The following FAM13A variants were observed in gnomAD, a reference collection of about 807,000 sequenced individuals.
FAM13A encodes family with sequence similarity 13 member A.
Under a neutral mutation model 129.6 loss-of-function variants are expected in FAM13A, and 76 were observed. That is an observed-to-expected ratio of 0.59 (90% CI 0.49 to 0.71). The LOEUF (loss-of-function observed/expected upper bound fraction) is 0.71, where lower values mean the gene tolerates loss of function less well. Among genes scored for constraint, FAM13A ranks in the 30% least tolerant of loss-of-function variants. FAM13A has a pLI of 0.00. For synonymous variants in FAM13A, 443 were observed against 449.9 expected, an observed-to-expected ratio of 0.98 and a Z score of 0.20; for missense variants, 1,108 against 1,249.3, an observed-to-expected ratio of 0.89 and a Z score of 1.70.
At chr4:88,769,381 T>C (rs1351209596) in intron 11 of FAM13A, among the ~76,000 whole-genome samples, 2 of 152,344 alleles carry the variant, frequency 1.3e-5, no homozygotes, top group East Asian at 3.9e-4. Flanking sequence ...GTTATGACAG[T>C]GGCTCTGAAT....
intron 6 of FAM13A, among the ~76,000 whole-genome samples, chr4:88,854,253 G>A (rs926528637): frequency 4.6e-5 from 7 of 152,192 alleles, no homozygotes; most frequent in Admixed American, 2.6e-4. Context: ...GTGGGCCCAG[G>A]AGGCCATTTA....
intron 7 of FAM13A, among the ~76,000 whole-genome samples, chr4:88,839,380 T>C (rs1735407831): frequency 6.6e-6 from 1 of 152,250 alleles, no homozygotes; most frequent in African/African-American, 2.4e-5. Flanking sequence ...ATTCAACAAG[T>C]ACTCTTTAAG....
In FAM13A at chr4:88,914,273, C is replaced by T. The variant is rs1749724228; in HGVS notation, c.760-7811G>A. On this transcript the variant is annotated intron_variant, in intron 5 of 23. Coordinates refer to ENST00000264344, the MANE Select transcript of FAM13A (RefSeq NM_014883.4). ...CATCTTGCCTTCTACAAGCTTTGTA[C>T]ATGTAAATCAGACAATGTCACTTCT... Among the ~76,000 whole-genome samples, 2 of 152,200 alleles carry T rather than the reference C, an allele frequency of 1.3e-5. 1 individual carries two copies. The highest frequency in any genetic ancestry group is 4.1e-4 in the South Asian group (2 of 4,834).
chr4:88,731,772 T>C (rs372769854), intron 22 of FAM13A: 11 of 529,570 alleles, frequency 2.1e-5, no homozygotes, highest in African/African-American at 5.8e-5. Context: ...CGATGCCCTT[T>C]AGAGAGAGAA....
chr4:88,964,880 G>A (rs144917097), intron 4 of FAM13A, among the ~76,000 whole-genome samples: 7,110 of 151,962 alleles, frequency 0.047, 274 homozygotes, highest in South Asian at 0.23. Flanking sequence ...CGTCCGCCTC[G>A]GCCTCCCAAA....
At chr4:88,973,472 A>C (rs1760428879) in intron 4 of FAM13A, among the ~76,000 whole-genome samples, 1 of 152,070 alleles carries the variant, frequency 6.6e-6, no homozygotes, top group South Asian at 2.1e-4. Flanking sequence ...TTTCTGTTTC[A>C]GTAATTTTGA....
At chr4:88,790,765 T>C (rs995457150) in intron 8 of FAM13A, 138 bp from the exon 9 acceptor site, 2 of 691,814 alleles carry the variant, frequency 2.9e-6, no homozygotes, top group Non-Finnish European at 5.0e-6. Flanking sequence ...AACCATCCAA[T>C]GAAAGATGCT....
chr4:88,819,928 T>C (rs773871238), intron 7 of FAM13A, among the ~76,000 whole-genome samples: 1 of 152,162 alleles, frequency 6.6e-6, no homozygotes, highest in South Asian at 2.1e-4. Context: ...TTACAGAAGG[T>C]TGTAATTTAA....
intron 5 of FAM13A, chr4:88,937,115 C>A (rs1369254711): frequency 6.6e-6 from 1 of 152,140 alleles, no homozygotes; most frequent in Non-Finnish European, 1.5e-5. Flanking sequence ...CCAATTATCT[C>A]ATTTTATCAT....
chr4:88,737,716 C>A (rs1739288758), intron 20 of FAM13A, 161 bp from the exon 21 acceptor site: 2 of 658,742 alleles, frequency 3.0e-6, no homozygotes, highest in Non-Finnish European at 5.3e-6. Context: ...AACAAAAGTT[C>A]TTTTTCCAAG....
intron 19 of FAM13A, among the ~76,000 whole-genome samples, chr4:88,744,955 T>C (rs773490040): frequency 3.3e-5 from 5 of 152,184 alleles, no homozygotes; most frequent in Non-Finnish European, 7.4e-5. Flanking sequence ...GGGCCAAGAA[T>C]AATAGTTCAT....
chr4:88,737,608 T>A, intron 20 of FAM13A, 53 bp from the exon 21 acceptor site: 1 of 1,455,334 alleles, frequency 6.9e-7, no homozygotes, highest in Non-Finnish European at 9.7e-7. Flanking sequence ...TCCCTTTCCC[T>A]CCAGCTCTCG....
chr4:88,736,280 T>G (rs1738963722), intron 21 of FAM13A: 1 of 152,170 alleles, frequency 6.6e-6, no homozygotes, highest in Admixed American at 6.5e-5. Context: ...ACCATAAAAT[T>G]AGGCATATGA....
At chr4:88,911,503 C>T (rs1203250591) in intron 5 of FAM13A, among the ~76,000 whole-genome samples, 7 of 152,182 alleles carry the variant, frequency 4.6e-5, no homozygotes, top group Non-Finnish European at 1.0e-4. Context: ...TTGCTTAATA[C>T]CTCTTTGGAA....
At chr4:88,955,109 A>G (rs1757535708) in intron 4 of FAM13A, among the ~76,000 whole-genome samples, 1 of 152,100 alleles carries the variant, frequency 6.6e-6, no homozygotes, top group Admixed American at 6.6e-5. Flanking sequence ...TTAAGATTGA[A>G]TGTACTTTTA....
At chr4:88,933,905 A>G (rs1329884718) in intron 5 of FAM13A, among the ~76,000 whole-genome samples, 1 of 152,192 alleles carries the variant, frequency 6.6e-6, no homozygotes. Context: ...AAAGTCCTCA[A>G]AATGATCTAT....
chr4:89,002,176 C>CAAAA (rs11370599), intron 3 of FAM13A, among the ~76,000 whole-genome samples: 4 of 115,652 alleles, frequency 3.5e-5, no homozygotes, highest in African/African-American at 9.1e-5. Context: ...CACCCAACGG[C>CAAAA]AAAAAAAAAA....
intron 4 of FAM13A, among the ~76,000 whole-genome samples, chr4:88,983,221 C>G (rs1046602772): frequency 1.3e-5 from 2 of 151,816 alleles, no homozygotes; most frequent in Non-Finnish European, 2.9e-5. Context: ...GATAACCCAA[C>G]CTATTATATC....
chr4:88,868,223 C>T (rs903873839), intron 6 of FAM13A, among the ~76,000 whole-genome samples: 3 of 152,124 alleles, frequency 2.0e-5, no homozygotes, highest in South Asian at 2.1e-4. Flanking sequence ...ACTTCATGAG[C>T]GGAGGCCCCA....
Sources: gnomAD v4.1 joint callset for allele counts (sites outside exome capture counted in the v4.1 genomes callset) on GRCh38, gnomAD v4.1.1 for gene constraint, MANE v1.5 for transcripts, NCBI Gene and HGNC (gene_info 2026-07-23, HGNC 2026-07-21) for gene names.